UBE2E2: variants seen among roughly 807,000 people sequenced by gnomAD.
UBE2E2 encodes ubiquitin conjugating enzyme E2 E2.
Under a neutral mutation model 24.7 loss-of-function variants are expected in UBE2E2, and 6 were observed. That is an observed-to-expected ratio of 0.24 (90% CI 0.13 to 0.48). The LOEUF (loss-of-function observed/expected upper bound fraction) is 0.48, where lower values mean the gene tolerates loss of function less well. UBE2E2 is among the 20% of genes least tolerant of loss of function. UBE2E2 has a pLI of 0.99. For missense variants in UBE2E2, 169 were observed against 245.0 expected (o/e 0.69, Z 2.07); for synonymous variants, 104 against 83.6 (o/e 1.24, Z -1.33).
chr3:23,572,703 A>G (rs1410260127), intron 5 of UBE2E2, among the ~76,000 whole-genome samples: 1 of 152,172 alleles, frequency 6.6e-6, no homozygotes, highest in Non-Finnish European at 1.5e-5. Context: ...TGTTGCTGCA[A>G]AGGATATGAT....
chr3:23,249,653 A>T (rs1378825836), intron 3 of UBE2E2, among the ~76,000 whole-genome samples: 3 of 148,614 alleles, frequency 2.0e-5, no homozygotes, highest in African/African-American at 7.4e-5. Flanking sequence ...ATTAACTCAG[A>T]TTTTTTTTTT....
intron 3 of UBE2E2, among the ~76,000 whole-genome samples, chr3:23,340,211 C>A (rs1385663735): frequency 6.6e-6 from 1 of 152,024 alleles, no homozygotes; most frequent in Admixed American, 6.6e-5. Flanking sequence ...AGAGCCATTA[C>A]TCTTTAAAAT....
chr3:23,236,359 C>T (rs1029787402), intron 3 of UBE2E2, among the ~76,000 whole-genome samples: 19 of 152,104 alleles, frequency 1.2e-4, no homozygotes, highest in African/African-American at 4.6e-4. Flanking sequence ...ATTACCTACT[C>T]AACCAGACTC....
intron 5 of UBE2E2, among the ~76,000 whole-genome samples, chr3:23,540,189 G>C (rs1032347731): frequency 1.3e-5 from 2 of 152,006 alleles, no homozygotes; most frequent in East Asian, 3.9e-4. Context: ...TCAGCCTCCC[G>C]AGTAGCTAAA....
At chr3:23,230,715 G>C (rs979379253) in intron 3 of UBE2E2, among the ~76,000 whole-genome samples, 1 of 151,824 alleles carries the variant, frequency 6.6e-6, no homozygotes, top group Non-Finnish European at 1.5e-5. Context: ...GAACCTGGGA[G>C]GCAGAGGTTG....
At chr3:23,441,327 G>A (rs983378037) in intron 3 of UBE2E2, among the ~76,000 whole-genome samples, 8 of 144,546 alleles carry the variant, frequency 5.5e-5, no homozygotes, top group South Asian at 2.2e-4. Context: ...GATCGAGACC[G>A]TCCTGGCTAA....
chr3:23,477,580 G>A (rs1302042433), intron 3 of UBE2E2, among the ~76,000 whole-genome samples: 5 of 152,106 alleles, frequency 3.3e-5, no homozygotes, highest in Admixed American at 2.0e-4. Context: ...ACATATAGAG[G>A]GATCTTAGGA....
At chr3:23,305,825 G>A (rs1250617022) in intron 3 of UBE2E2, among the ~76,000 whole-genome samples, 1 of 152,114 alleles carries the variant, frequency 6.6e-6, no homozygotes, top group African/African-American at 2.4e-5. Flanking sequence ...GAGCTCCTGG[G>A]CTCAAGCTCT....
At chr3:23,395,450 AT>A (rs1319552482) in intron 3 of UBE2E2, among the ~76,000 whole-genome samples, 1 of 152,212 alleles carries the variant, frequency 6.6e-6, no homozygotes, top group African/African-American at 2.4e-5. Context: ...ATTATGGAAC[AT>A]TAATATAAGC....
intron 3 of UBE2E2, among the ~76,000 whole-genome samples, chr3:23,454,683 G>A (rs976909166): frequency 2.0e-5 from 3 of 152,258 alleles, no homozygotes; most frequent in African/African-American, 4.8e-5. Flanking sequence ...GAAATAATAC[G>A]TGAATATGCA....
At chr3:23,541,031 T>A (rs1329525853) in intron 5 of UBE2E2, among the ~76,000 whole-genome samples, 1 of 152,358 alleles carries the variant, frequency 6.6e-6, no homozygotes, top group South Asian at 2.1e-4. Context: ...GAAATTCCAA[T>A]CTGAAACAGC....
chr3:23,588,050 AGTG>A (rs975132910), intron 5 of UBE2E2, among the ~76,000 whole-genome samples: 1 of 152,224 alleles, frequency 6.6e-6, no homozygotes, highest in African/African-American at 2.4e-5. Context: ...TAGGTTAAAA[AGTG>A]GTGTTTCTAT....
At chr3:23,273,557 A>G (rs1698307310) in intron 3 of UBE2E2, among the ~76,000 whole-genome samples, 1 of 151,676 alleles carries the variant, frequency 6.6e-6, no homozygotes, top group African/African-American at 2.4e-5. Flanking sequence ...GAGAGAAATG[A>G]TGTACAGCAG....
At position 23,297,406 on chromosome 3, in the gene UBE2E2, T is replaced by A. The variant is rs543456498; in HGVS notation, c.227+80094T>A. Among the ~76,000 whole-genome samples the A allele has an allele frequency of 1.5e-3, 229 of 151,982 alleles. 1 individual carries two copies. Among genetic ancestry groups the A allele is most frequent in the Middle Eastern group, 0.01 (3 of 294 alleles). ...GCCCATGCCTATGTCCTGAATGGTATTGCCTAGCTTTTCCTCTAGGGTTTT... is the reference window on the plus strand; with the variant it reads ...GCCCATGCCTATGTCCTGAATGGTAATGCCTAGCTTTTCCTCTAGGGTTTT... On this transcript the variant is annotated intron_variant, in intron 3 of 5. Coordinates refer to ENST00000396703, the MANE Select transcript of UBE2E2 (RefSeq NM_152653.4).
intron 3 of UBE2E2, among the ~76,000 whole-genome samples, chr3:23,421,487 A>G (rs971143379): frequency 1.3e-5 from 2 of 152,144 alleles, no homozygotes; most frequent in African/African-American, 4.8e-5. Context: ...GCTCACTGCA[A>G]CCTCTGCCTC....
chr3:23,573,739 C>G (rs943635652), intron 5 of UBE2E2, among the ~76,000 whole-genome samples: 3 of 152,170 alleles, frequency 2.0e-5, no homozygotes, highest in African/African-American at 7.2e-5. Context: ...TCCACACTTG[C>G]AATACCTAAA....
At chr3:23,238,574 ATT>A in intron 3 of UBE2E2, among the ~76,000 whole-genome samples, 1 of 152,282 alleles carries the variant, frequency 6.6e-6, no homozygotes, top group South Asian at 2.1e-4. Flanking sequence ...AGTATATAGG[ATT>A]AATAAAGTAC....
At chr3:23,368,020 T>G (rs1028978903) in intron 3 of UBE2E2, among the ~76,000 whole-genome samples, 2 of 152,148 alleles carry the variant, frequency 1.3e-5, no homozygotes, top group Non-Finnish European at 2.9e-5. Context: ...GATACACATA[T>G]AGATATTTGG....
In UBE2E2 at chr3:23,280,091, G is replaced by GT. The variant is rs1337017997; in HGVS notation, c.227+62780dup. 6.6e-6 allele frequency among the ~76,000 whole-genome samples: 1 copy of GT among 152,146 alleles called. No homozygotes were observed. Among genetic ancestry groups the GT allele is most frequent in the African/African-American group, 2.4e-5 (1 of 41,442 alleles). ...AAAACACATTTGACTTATTACCACG[G>GT]TAAGGTTCAAATTACTGATATCACA... On this transcript the variant is annotated intron_variant, in intron 3 of 5. Transcript: ENST00000396703. This position sits in a 1 kb window ranked among gnomAD's most constrained non-coding sequence, Gnocchi z 4.3.
Sources: gnomAD v4.1 joint callset for allele counts (sites outside exome capture counted in the v4.1 genomes callset) on GRCh38, gnomAD v4.1.1 for gene constraint, Gnocchi (gnomAD v3.1) non-coding constraint, MANE v1.5 for transcripts, NCBI Gene and HGNC (gene_info 2026-07-23, HGNC 2026-07-21) for gene names.